PDS5B: variants seen among roughly 807,000 people sequenced by gnomAD.
The protein encoded by PDS5B is sister chromatid cohesion protein PDS5 homolog B.
PDS5B carries 51 observed loss-of-function variants against 184.1 expected under a neutral mutation model. The observed-to-expected ratio is 0.28, with a 90% confidence interval of 0.22 to 0.35. The LOEUF (loss-of-function observed/expected upper bound fraction) is 0.35. Ranked by LOEUF, PDS5B falls within the 10% of genes least tolerant of loss-of-function variation. The pLI, the probability that PDS5B is intolerant of heterozygous loss-of-function variation, is 1.00. For synonymous variants in PDS5B, 566 were observed against 569.2 expected, an observed-to-expected ratio of 0.99 and a Z score of 0.08; for missense variants, 1,180 against 1,723.3, an observed-to-expected ratio of 0.68 and a Z score of 5.58.
chr13:32,612,317 C>G (rs553643080), intron 1 of PDS5B, among the ~76,000 whole-genome samples: 281 of 152,264 alleles, frequency 1.8e-3, no homozygotes, highest in Middle Eastern at 3.4e-3. Flanking sequence ...ATCCACTCAC[C>G]TCGGCCTCCC....
intron 1 of PDS5B, among the ~76,000 whole-genome samples, chr13:32,595,339 G>A (rs766129045): frequency 2.0e-5 from 3 of 151,950 alleles, no homozygotes; most frequent in Non-Finnish European, 4.4e-5. Flanking sequence ...TAAATTATAT[G>A]CACATATATA....
intron 1 of PDS5B, among the ~76,000 whole-genome samples, chr13:32,604,413 C>T (rs926907598): frequency 6.6e-6 from 1 of 152,178 alleles, no homozygotes; most frequent in South Asian, 2.1e-4. Flanking sequence ...CCTTGCATCC[C>T]AGGGATGAAG....
intron 24 of PDS5B, among the ~76,000 whole-genome samples, chr13:32,752,188 G>A (rs1216525422): frequency 6.6e-6 from 1 of 152,092 alleles, no homozygotes; most frequent in Non-Finnish European, 1.5e-5. Context: ...GAACAAGGGA[G>A]ACCACATTCA....
chr13:32,738,590 C>T (rs1953424149), intron 21 of PDS5B, among the ~76,000 whole-genome samples: 1 of 152,108 alleles, frequency 6.6e-6, no homozygotes, highest in South Asian at 2.1e-4. Context: ...GTTATAGTAT[C>T]ATCATGAAGT....
rs1042882692 is a variant in PDS5B at position 32,776,645 on chromosome 13, T to C, written c.*1593T>C. The C allele has an allele frequency of 6.6e-6, 1 of 152,362 alleles. No individual in the cohort carries two copies. Among genetic ancestry groups the C allele is most frequent in the African/African-American group, 2.4e-5 (1 of 41,440 alleles). 9.4% of individuals were successfully genotyped at this position (152,362 alleles called of 1,614,324 possible). On this transcript the variant is annotated 3_prime_UTR_variant, in exon 35 of 35. Coordinates refer to ENST00000315596, the MANE Select transcript of PDS5B (RefSeq NM_015032.4). ...TTATTAAATTTATCACATTGAATAGTGGAACATTTTCATATGATACACCAT... is the reference window on the plus strand; with the variant it reads ...TTATTAAATTTATCACATTGAATAGCGGAACATTTTCATATGATACACCAT...
intron 19 of PDS5B, among the ~76,000 whole-genome samples, chr13:32,716,619 G>T (rs1308878064): frequency 1.3e-5 from 2 of 149,980 alleles, no homozygotes; most frequent in South Asian, 4.2e-4. Flanking sequence ...GGGAGGTGGG[G>T]GGGTCAGCCC....
chr13:32,680,932 T>C (rs1466840758), intron 10 of PDS5B, among the ~76,000 whole-genome samples: 1 of 152,236 alleles, frequency 6.6e-6, no homozygotes, highest in Non-Finnish European at 1.5e-5. Context: ...TGATAATGTG[T>C]AGCAGTGTGC....
intron 27 of PDS5B, 123 bp from the exon 28 acceptor site, chr13:32,758,411 C>T: frequency 1.9e-6 from 2 of 1,058,270 alleles, no homozygotes; most frequent in Non-Finnish European, 2.8e-6. Context: ...AAGATGCTTA[C>T]ACAGACTGTT....
At chr13:32,737,301 A>AT (rs1453954616) in intron 21 of PDS5B, among the ~76,000 whole-genome samples, 2 of 152,124 alleles carry the variant, frequency 1.3e-5, no homozygotes, top group South Asian at 2.1e-4. Flanking sequence ...CAAGCTTATT[A>AT]TTTTTTTCTG....
intron 21 of PDS5B, among the ~76,000 whole-genome samples, chr13:32,735,815 C>T (rs1953310733): frequency 6.6e-6 from 1 of 152,094 alleles, no homozygotes; most frequent in Admixed American, 6.5e-5. Context: ...ACTAGGTTCT[C>T]TGGAGAATTA....
chr13:32,708,669 A>G (rs763892685), intron 18 of PDS5B, among the ~76,000 whole-genome samples: 4 of 152,194 alleles, frequency 2.6e-5, no homozygotes, highest in Non-Finnish European at 5.9e-5. Flanking sequence ...ATAAGCAAAA[A>G]TAATGTTTTA....
chr13:32,678,506 G>A (rs1440375392), intron 9 of PDS5B, among the ~76,000 whole-genome samples: 2 of 152,126 alleles, frequency 1.3e-5, no homozygotes, highest in Non-Finnish European at 2.9e-5. Flanking sequence ...AACTATATAT[G>A]CACACTTGCA....
intron 21 of PDS5B, among the ~76,000 whole-genome samples, chr13:32,739,793 A>G (rs994822876): frequency 6.6e-6 from 1 of 152,120 alleles, no homozygotes; most frequent in Non-Finnish European, 1.5e-5. Context: ...AAAATATATC[A>G]GTATCCCATT....
intron 1 of PDS5B, among the ~76,000 whole-genome samples, chr13:32,589,163 G>A (rs1400785743): frequency 1.3e-5 from 2 of 152,210 alleles, no homozygotes; most frequent in Non-Finnish European, 2.9e-5. Context: ...TTATACATGA[G>A]AAATTAGGTT....
intron 19 of PDS5B, among the ~76,000 whole-genome samples, chr13:32,712,494 A>G (rs1952239598): frequency 6.6e-6 from 1 of 152,204 alleles, no homozygotes. Context: ...TATAGTTAAG[A>G]GAATGTTGAT....
chr13:32,760,491 A>G, intron 29 of PDS5B, 84 bp from the exon 30 acceptor site: 1 of 1,266,574 alleles, frequency 7.9e-7, no homozygotes, highest in Non-Finnish European at 1.1e-6. Context: ...AAATACTTTG[A>G]GAGAGATGTT....
At chr13:32,758,021 T>C (rs1478201253) in intron 26 of PDS5B, 66 bp from the exon 27 acceptor site, 4 of 624,908 alleles carry the variant, frequency 6.4e-6, no homozygotes, top group African/African-American at 5.8e-5. Flanking sequence ...TTTAGAATTA[T>C]TGTATCTATA....
chr13:32,656,595 CTTTTTT>C (rs561702930), intron 3 of PDS5B, among the ~76,000 whole-genome samples: 1 of 128,256 alleles, frequency 7.8e-6, no homozygotes, highest in Non-Finnish European at 1.6e-5. Context: ...CTTTTTGTGG[CTTTTTT>C]TTTTTTTTTT....
At position 32,680,796 on chromosome 13, in the gene PDS5B, T is replaced by A. The variant is rs542170957; in HGVS notation, c.1057+1867T>A. On this transcript the variant is annotated intron_variant, in intron 10 of 34. Coordinates refer to ENST00000315596, the MANE Select transcript of PDS5B (RefSeq NM_015032.4). The stretch of plus-strand genomic sequence containing the variant: ...GAGTTGGTTGCTTAGTTGTGATTTT[T>A]AAATTGTTTTTTAAGAGACAGGGTC... 5.9e-5 allele frequency among the ~76,000 whole-genome samples: 9 copies of A among 152,348 alleles called. No homozygotes were observed. In the East Asian group the frequency reaches 1.7e-3, roughly 29 times the overall value.
Sources: allele counts gnomAD v4.1 joint callset (sites outside exome capture counted in the v4.1 genomes callset), GRCh38; gene constraint gnomAD v4.1.1; transcripts MANE v1.5; gene names NCBI Gene and HGNC (gene_info 2026-07-23, HGNC 2026-07-21).